OR13C3: variants seen among roughly 807,000 people sequenced by gnomAD.
OR13C3 encodes olfactory receptor family 13 subfamily C member 3.
In OR13C3, 19 loss-of-function variants were observed where a neutral mutation model predicts 14.4. The ratio of observed to expected loss-of-function variants is 1.31; its 90% CI spans 0.92 to 1.93. The LOEUF is 1.93. Among genes scored for constraint, OR13C3 ranks in the 30% most tolerant of loss-of-function variants. The pLI, the probability that OR13C3 is intolerant of heterozygous loss-of-function variation, is 0.00. For missense variants in OR13C3, 394 were observed against 381.4 expected, an observed-to-expected ratio of 1.03 and a Z score of -0.27; for synonymous variants, 140 against 142.5, an observed-to-expected ratio of 0.98 and a Z score of 0.12.
chr9:104,535,936 T>G lies in OR13C3; in HGVS notation c.788A>C (p.Lys263Thr), dbSNP rs10512330. ...TTCTTCCCCAATCAGGTCTTGAGAC[T>G]TCGGTTTCGCATACATAAAGAAGAT... Residue 263 changes from lysine to threonine, a missense_variant, in exon 1 of 1, where the codon AAG (lysine) becomes ACG (threonine). By Grantham distance (78) the Lys-to-Thr change is moderately conservative. Transcript: ENST00000641090. 1.2e-3 allele frequency: 1,990 copies of G among 1,614,150 alleles called. 21 individuals carry two copies. The African/African-American group carries it at 0.023, about 18-fold the overall frequency.
At chr9:104,535,896 T>C (rs1828808442) in exon 1 of OR13C3, 1 of 1,613,874 alleles carries the variant, frequency 6.2e-7, no homozygotes, top group African/African-American at 1.3e-5. Flanking sequence ...TGAGCTTGTC[T>C]AATGCTTGCA....
At chr9:104,535,755 C>A (rs768363081) in exon 1 of OR13C3, 1 of 1,535,262 alleles carries the variant, frequency 6.5e-7, no homozygotes, top group African/African-American at 1.4e-5. Context: ...CAAAGACCTA[C>A]ATGTCCTGGT....
chr9:104,536,310 C>G, exon 1 of OR13C3: 1 of 1,614,138 alleles, frequency 6.2e-7, no homozygotes, highest in South Asian at 1.1e-5. Flanking sequence ...CATACGCCAC[C>G]TTGCTCAGGA....
chr9:104,536,085 G>C (rs375769445), exon 1 of OR13C3: 2 of 1,613,964 alleles, frequency 1.2e-6, no homozygotes, highest in South Asian at 1.1e-5. Context: ...AGAAAAAAAT[G>C]ACCATCAGTG....
At chr9:104,536,720 C>T in exon 1 of OR13C3, 1 of 1,613,544 alleles carries the variant, frequency 6.2e-7, no homozygotes, top group Non-Finnish European at 8.5e-7. Context: ...TTAATCTCAC[C>T]CATGTCATCT....
chr9:104,536,794 CA>C lies in OR13C3; in HGVS notation c.-72del. 6.2e-7 allele frequency: 1 copy of C among 1,610,496 alleles called. No individual in the cohort carries two copies. Among genetic ancestry groups the C allele is most frequent in the South Asian group, 1.1e-5 (1 of 90,624 alleles). Reference sequence around the variant, plus strand: ...ATTTACTGCCAAGAAACAAACAGTACAAATTAACTGAACAATCATTCTTTTG... The same window carrying C: ...ATTTACTGCCAAGAAACAAACAGTACAATTAACTGAACAATCATTCTTTTG... On this transcript the variant is annotated 5_prime_UTR_variant, in exon 1 of 1. The change abolishes the stop of an existing upstream ORF in the 5' untranslated region. Coordinates refer to ENST00000641090, the Ensembl canonical transcript of OR13C3.
chr9:104,535,787 T>C, exon 1 of OR13C3: 1 of 1,610,418 alleles, frequency 6.2e-7, no homozygotes, highest in Non-Finnish European at 8.5e-7. Context: ...ATTGGTTTTT[T>C]GTTCAGCAAA....
exon 1 of OR13C3, chr9:104,536,718 A>T: frequency 6.2e-7 from 1 of 1,612,698 alleles, no homozygotes; most frequent in Non-Finnish European, 8.5e-7. Flanking sequence ...GGTTAATCTC[A>T]CCCATGTCAT....
exon 1 of OR13C3, chr9:104,536,067 C>G: frequency 6.2e-7 from 1 of 1,613,834 alleles, no homozygotes; most frequent in Non-Finnish European, 8.5e-7. Context: ...AGAGGATGAA[C>G]ATATAGGAGA....
At chr9:104,536,052 G>T (rs116458770) in exon 1 of OR13C3, 1 of 1,614,060 alleles carries the variant, frequency 6.2e-7, no homozygotes, top group South Asian at 1.1e-5. Context: ...TTTGCAAGAT[G>T]GTGTAGAGGA....
Sources: allele counts gnomAD v4.1 joint callset, GRCh38; gene constraint gnomAD v4.1.1; transcripts MANE v1.5; gene names NCBI Gene and HGNC (gene_info 2026-07-23, HGNC 2026-07-21).